The following SARM1 variants were observed in gnomAD, a reference collection of about 807,000 sequenced individuals.
SARM1 encodes sterile alpha and TIR motif containing 1.
Under a neutral mutation model 65.1 loss-of-function variants are expected in SARM1, and 60 were observed. That is an observed-to-expected ratio of 0.92 (90% CI 0.75 to 1.14). SARM1 has a LOEUF of 1.14. Among genes scored for constraint, SARM1 ranks in the 50% most tolerant of loss-of-function variants. The pLI is 0.00. For synonymous variants in SARM1, 417 were observed against 465.4 expected (o/e 0.90, Z 1.34); for missense variants, 913 against 1,015.7 (o/e 0.90, Z 1.37).
chr17:28,391,066 G>A (rs1555586789), intron 7 of SARM1, among the ~76,000 whole-genome samples: 1 of 152,208 alleles, frequency 6.6e-6, no homozygotes, highest in Non-Finnish European at 1.5e-5. Flanking sequence ...GGTGTGAGGG[G>A]AGGTGATGGG....
At chr17:28,388,973 G>A (rs1318105654) in intron 7 of SARM1, among the ~76,000 whole-genome samples, 4 of 151,920 alleles carry the variant, frequency 2.6e-5, no homozygotes, top group African/African-American at 7.3e-5. Flanking sequence ...GGGTTTCACC[G>A]TGTTAGCCAG....
chr17:28,400,638 GGCCA>G lies in SARM1; in HGVS notation c.*4355_*4358del. 1 of 1,613,786 alleles carries G rather than the reference GGCCA, an allele frequency of 6.2e-7. No individual in the cohort carries two copies. The highest frequency in any genetic ancestry group is 8.5e-7 in the Non-Finnish European group (1 of 1,179,822). ...ATCAGAACAGCCGGGATGAGCAGGA[GGCCA>G]GCTCCCAGGAGGAAGGGGAACCCCT... is the stretch of plus-strand genomic sequence containing the variant. On this transcript the variant is annotated 3_prime_UTR_variant, in exon 9 of 9. Coordinates refer to ENST00000585482, the MANE Select transcript of SARM1 (RefSeq NM_015077.4).
In SARM1 at chr17:28,402,625, G is replaced by C; in HGVS notation, c.*6339G>C. 1 of 258,314 alleles carries C rather than the reference G, an allele frequency of 3.9e-6. No homozygotes were observed. The highest frequency in any genetic ancestry group is 7.7e-6 in the Non-Finnish European group (1 of 129,670). 16.0% of individuals were successfully genotyped at this position (258,314 alleles called of 1,614,324 possible). A position where few individuals can be genotyped will look rare whatever the true frequency, so the allele number is the denominator to read the frequency against. On this transcript the variant is annotated 3_prime_UTR_variant, in exon 9 of 9. Transcript: ENST00000585482. ...TTGGCACTTAGTAGGGATATGGCAGGGCACAGAAAACAAGCATGGGCTTTG... is the reference window on the plus strand; with the variant it reads ...TTGGCACTTAGTAGGGATATGGCAGCGCACAGAAAACAAGCATGGGCTTTG...
chr17:28,372,400 A>G lies in SARM1; in HGVS notation c.368A>G (p.Asp123Gly). Residue 123 changes from aspartate (D) to glycine (G), a missense_variant, in exon 1 of 9, where the codon GAT becomes GGT. Physicochemically the swap from Asp to Gly is moderately conservative, Grantham distance 94. Transcript: ENST00000585482. The surrounding 1 kb of genome is among the most constrained non-coding windows in gnomAD (Gnocchi z 5.2). Reference protein sequence around the residue: ...AQGLCDAIRLDGGLDLLLRLL... With the variant: ...AQGLCDAIRLGGGLDLLLRLL... ...GGTCTGTGCGACGCCATCCGCCTCGATGGCGGCCTCGACCTGCTGTTGCGG... is the reference window on the plus strand; with the variant it reads ...GGTCTGTGCGACGCCATCCGCCTCGGTGGCGGCCTCGACCTGCTGTTGCGG... 6.5e-7 allele frequency: 1 copy of G among 1,528,822 alleles called. No individual in the cohort carries two copies. The highest frequency in any genetic ancestry group is 1.4e-5 in the African/African-American group (1 of 72,194). The allele number at this position is 1,528,822 out of a possible 1,614,324, so 94.7% of individuals were successfully genotyped here. A position where few individuals can be genotyped will look rare whatever the true frequency, so the allele number is the denominator to read the frequency against.
In SARM1 at chr17:28,401,135, T is replaced by G. The variant is rs1330126765; in HGVS notation, c.*4849T>G. The stretch of plus-strand genomic sequence containing the variant: ...GAATCATCTCCTGTTTGGGATTAAC[T>G]GCTGGTCTGATCAGTTCCAATATTC... On this transcript the variant is annotated 3_prime_UTR_variant, in exon 9 of 9. Transcript: ENST00000585482. The G allele has an allele frequency of 1.5e-5, 5 of 340,446 alleles. No homozygotes were observed. Among genetic ancestry groups the G allele is most frequent in the Non-Finnish European group, 2.9e-5 (5 of 175,338 alleles). The allele number at this position is 340,446 out of a possible 1,614,324, so 21.1% of individuals were successfully genotyped here.
chr17:28,380,015 G>A (rs2068012613), intron 1 of SARM1, among the ~76,000 whole-genome samples: 1 of 138,392 alleles, frequency 7.2e-6, no homozygotes, highest in Non-Finnish European at 1.6e-5. Flanking sequence ...AATATTTGCT[G>A]ATATATTCTA....
rs1459056153 is a variant in SARM1 at position 28,381,711 on chromosome 17, C to T, written c.979C>T (p.Leu327=). The change falls in exon 2 of 9, where the codon CTG becomes TTG. Residue 327 remains leucine (L), a synonymous_variant. Transcript: ENST00000585482. ...DTSQGRGPDD[L]QRLVPLLDSN... ...AAGCCAGGGCCGCGGGCCCGACGAC[C>T]TGCAGCGCCTCGTGCCGTTGCTCGA... 1.3e-6 allele frequency: 2 copies of T among 1,557,518 alleles called. No homozygotes were observed. Among genetic ancestry groups the T allele is most frequent in the African/African-American group, 2.7e-5 (2 of 73,186 alleles).
chr17:28,384,544 T>C lies in SARM1; in HGVS notation c.1277T>C (p.Phe426Ser). The change falls in exon 3 of 9, where the codon TTC becomes TCC. Residue 426 changes from phenylalanine (F) to serine (S), a missense_variant. Around this residue, in one of 3 missense-constraint regions of SARM1, gnomAD observed 862 missense variants for 952.1 expected, o/e 0.91. Transcript: ENST00000585482. The surrounding 1 kb of genome is among the most constrained non-coding windows in gnomAD (Gnocchi z 4.4). ...CAGACGTGGCTGCAGCAGATCGGTT[T>C]CTCCAAGTACTGCGAGAGCTTCCGG... ...EVQTWLQQIG[F>S]SKYCESFREQ... is the part of the protein sequence containing the mutation. 1 of 1,611,144 alleles carries C rather than the reference T, an allele frequency of 6.2e-7. No homozygotes were observed. Among genetic ancestry groups the C allele is most frequent in the Non-Finnish European group, 8.5e-7 (1 of 1,178,940 alleles).
In SARM1 at chr17:28,381,271, T is replaced by C; in HGVS notation, c.539T>C (p.Leu180Pro). ...GCGAAGGAACGCGAACCCGTAGAGC[T>C]GGCGCGGAGCGTGGCAGGCATCTTG... The part of the protein sequence containing the change: ...NLAKEREPVE[L>P]ARSVAGILEH... Residue 180 changes from leucine to proline, a missense_variant, in exon 2 of 9, where the codon CTG becomes CCG. Physicochemically the swap from Leu to Pro is moderately conservative, Grantham distance 98. Around this residue, in one of 3 missense-constraint regions of SARM1, gnomAD observed 862 missense variants for 952.1 expected, o/e 0.91. Transcript: ENST00000585482. The C allele has an allele frequency of 6.2e-7, 1 of 1,609,744 alleles. No individual in the cohort carries two copies. Among genetic ancestry groups the C allele is most frequent in the Non-Finnish European group, 8.5e-7 (1 of 1,178,276 alleles).
At position 28,402,435 on chromosome 17, in the gene SARM1, A is replaced by G. The variant is rs17719944; in HGVS notation, c.*6149A>G. 0.071 allele frequency: 59,005 copies of G among 832,880 alleles called. 2,547 individuals are homozygous for G. The highest frequency in any genetic ancestry group is 0.09 in the Non-Finnish European group (46,520 of 519,548). 51.6% of individuals were successfully genotyped at this position (832,880 alleles called of 1,614,324 possible). A position where few individuals can be genotyped will look rare whatever the true frequency, so the allele number is the denominator to read the frequency against. ...CGTGGGGCTTAGGTTAGACCCAGGA[A>G]GAACTTCCTTGATGGTGAGGGTGGG... On this transcript the variant is annotated 3_prime_UTR_variant, in exon 9 of 9. Transcript: ENST00000585482.
At position 28,395,980 on chromosome 17, in the gene SARM1, G is replaced by A. The variant is rs782348595; in HGVS notation, c.1999G>A (p.Val667Ile). ...TGGCTTCGAGTGGCCTGAGCCCCAGGTCCTGCCTGAGGACATGCAGGCTGT... is the reference window on the plus strand; with the variant it reads ...TGGCTTCGAGTGGCCTGAGCCCCAGATCCTGCCTGAGGACATGCAGGCTGT... ...IDGFEWPEPQ[V>I]LPEDMQAVLT... Residue 667 changes from valine (V) to isoleucine (I), a missense_variant, in exon 8 of 9, where the codon GTC (valine) becomes ATC (isoleucine). By Grantham distance (29) the Val-to-Ile change is conservative (BLOSUM62 3). Coordinates refer to ENST00000585482, the MANE Select transcript of SARM1 (RefSeq NM_015077.4). The A allele has an allele frequency of 6.2e-7, 1 of 1,613,958 alleles. No individual in the cohort carries two copies. Among genetic ancestry groups the A allele is most frequent in the South Asian group, 1.1e-5 (1 of 91,084 alleles).
chr17:28,378,586 CTT>C, intron 1 of SARM1, among the ~76,000 whole-genome samples: 1 of 152,138 alleles, frequency 6.6e-6, no homozygotes, highest in African/African-American at 2.4e-5. Flanking sequence ...CTATTTCTTA[CTT>C]TTTCCCACTC....
intron 1 of SARM1, among the ~76,000 whole-genome samples, chr17:28,376,035 C>G (rs1410267940): frequency 3.3e-5 from 5 of 152,108 alleles, no homozygotes; most frequent in South Asian, 4.1e-4. Flanking sequence ...TCTAAAATAT[C>G]TGCCCATTTC....
At position 28,402,417 on chromosome 17, in the gene SARM1, C is replaced by T. The variant is rs1255428759; in HGVS notation, c.*6131C>T. The T allele has an allele frequency of 6.9e-6, 7 of 1,015,842 alleles. No homozygotes were observed. The Admixed American group carries it at 1.4e-4, about 21-fold the overall frequency. 62.9% of individuals were successfully genotyped at this position (1,015,842 alleles called of 1,614,324 possible). ...GCTCCTATCCATACCCCACGTGGGG[C>T]TTAGGTTAGACCCAGGAAGAACTTC... On this transcript the variant is annotated 3_prime_UTR_variant, in exon 9 of 9. Transcript: ENST00000585482.
chr17:28,387,908 G>T, intron 5 of SARM1: 2 of 493,916 alleles, frequency 4.0e-6, no homozygotes, highest in South Asian at 5.9e-5. Flanking sequence ...GGCTGTTCAG[G>T]TCTGGAGTTC....
chr17:28,382,587 C>T (rs2068029920), intron 2 of SARM1, among the ~76,000 whole-genome samples: 1 of 152,168 alleles, frequency 6.6e-6, no homozygotes, highest in Non-Finnish European at 1.5e-5. Flanking sequence ...GCTGTGTGAC[C>T]TTGAGCACCT....
intron 5 of SARM1, among the ~76,000 whole-genome samples, chr17:28,386,197 T>A (rs2068049644): frequency 6.6e-6 from 1 of 152,056 alleles, no homozygotes; most frequent in Non-Finnish European, 1.5e-5. Context: ...CCCAGCTACT[T>A]GGGAGGCTGA....
chr17:28,371,828 A>G lies in SARM1; in HGVS notation c.-205A>G. On this transcript the variant is annotated 5_prime_UTR_variant, in exon 1 of 9. Coordinates refer to ENST00000585482, the MANE Select transcript of SARM1 (RefSeq NM_015077.4). ...GCCCACTCCCTGCATCTGGGCCTGC[A>G]TCACCTTTGCCAACCGCTCCCCCGA... is the stretch of plus-strand genomic sequence containing the variant. 2.2e-6 allele frequency: 1 copy of G among 451,490 alleles called. No individual in the cohort carries two copies. Among genetic ancestry groups the G allele is most frequent in the Non-Finnish European group, 3.9e-6 (1 of 255,664 alleles). The allele number at this position is 451,490 out of a possible 1,614,324, so 28.0% of individuals were successfully genotyped here.
At chr17:28,381,969 G>A in intron 2 of SARM1, 148 bp downstream of exon 2, 2 of 1,101,792 alleles carry the variant, frequency 1.8e-6, no homozygotes, top group Non-Finnish European at 2.4e-6. Context: ...TCATTTTGGC[G>A]TTGAAGGCAA....
Sources: allele counts gnomAD v4.1 joint callset (sites outside exome capture counted in the v4.1 genomes callset), GRCh38; gene constraint gnomAD v4.1.1; regional missense constraint gnomAD v4.1.1; non-coding constraint Gnocchi (gnomAD v3.1); transcripts MANE v1.5; gene names NCBI Gene and HGNC (gene_info 2026-07-23, HGNC 2026-07-21).